Variants in TTC28 observed in about 807,000 individuals in gnomAD.
TTC28 encodes the protein tetratricopeptide repeat protein 28.
Under a neutral mutation model 198.0 loss-of-function variants are expected in TTC28, and 61 were observed. The observed-to-expected ratio is 0.31, with a 90% CI of 0.25 to 0.38. The LOEUF (loss-of-function observed/expected upper bound fraction) is 0.38. TTC28 is among the 10% of genes least tolerant of loss of function. The pLI is 1.00. For synonymous variants in TTC28, 1,171 were observed against 1,297.8 expected (o/e 0.90, Z 2.10); for missense variants, 2,678 against 3,164.0 (o/e 0.85, Z 3.69).
intron 6 of TTC28, among the ~76,000 whole-genome samples, chr22:28,162,014 G>A (rs541041159): frequency 9.9e-5 from 15 of 152,176 alleles, no homozygotes; most frequent in African/African-American, 2.6e-4. Context: ...TCCTCTCCCC[G>A]TCCTGAATCC....
At chr22:28,550,678 T>C (rs558841982) in intron 2 of TTC28, among the ~76,000 whole-genome samples, 17 of 152,248 alleles carry the variant, frequency 1.1e-4, no homozygotes, top group African/African-American at 4.1e-4. Flanking sequence ...TTTTACAGTA[T>C]AATGACATAA....
intron 5 of TTC28, among the ~76,000 whole-genome samples, chr22:28,181,167 T>C (rs1449788367): frequency 6.6e-6 from 1 of 152,208 alleles, no homozygotes; most frequent in Non-Finnish European, 1.5e-5. Flanking sequence ...CAAAATTATA[T>C]TAGGGTTGGA....
chr22:28,123,728 A>G (rs1305146444), intron 6 of TTC28, among the ~76,000 whole-genome samples: 2 of 151,872 alleles, frequency 1.3e-5, no homozygotes, highest in Non-Finnish European at 2.9e-5. Context: ...TATGCCTGTA[A>G]TCCTAGCATT....
intron 12 of TTC28, among the ~76,000 whole-genome samples, chr22:28,084,647 C>A (rs927692399): frequency 6.6e-6 from 1 of 152,114 alleles, no homozygotes; most frequent in Non-Finnish European, 1.5e-5. Context: ...AGCAACGGAA[C>A]AAAGCTGGAC....
intron 5 of TTC28, among the ~76,000 whole-genome samples, chr22:28,214,873 G>A (rs1760717756): frequency 1.3e-5 from 2 of 152,168 alleles, no homozygotes; most frequent in African/African-American, 4.8e-5. Flanking sequence ...CAAAGACTTG[G>A]AACCAACCCA....
intron 12 of TTC28, among the ~76,000 whole-genome samples, chr22:28,083,071 A>AT (rs201798492): frequency 0.014 from 2,019 of 141,042 alleles, 39 homozygotes; most frequent in East Asian, 0.066. Flanking sequence ...ATGATGATTC[A>AT]TTTTTTTTTT....
At position 28,332,328 on chromosome 22, in the gene TTC28, A is replaced by C. The variant is rs144052278; in HGVS notation, c.382-25685T>G. ...ATATCTTATGTAAAGAATCCTTGTT[A>C]ATTATAAAATTGTGACCATAATGAA... On this transcript the variant is annotated intron_variant, in intron 2 of 22. Coordinates refer to ENST00000397906, the MANE Select transcript of TTC28 (RefSeq NM_001145418.2). Among the ~76,000 whole-genome samples the C allele has an allele frequency of 5.9e-3, 898 of 152,152 alleles. 7 individuals are homozygous for C. The highest frequency in any genetic ancestry group is 0.021 in the African/African-American group (866 of 41,574).
chr22:28,180,763 G>C (rs1378422850), intron 5 of TTC28, among the ~76,000 whole-genome samples: 1 of 152,136 alleles, frequency 6.6e-6, no homozygotes, highest in Non-Finnish European at 1.5e-5. Context: ...GGATCTCTAA[G>C]AACTGTGAAC....
intron 1 of TTC28, among the ~76,000 whole-genome samples, chr22:28,658,058 AT>A (rs1294585986): frequency 2.0e-5 from 3 of 152,196 alleles, no homozygotes; most frequent in Admixed American, 1.3e-4. Context: ...AATAATATGC[AT>A]TTCTAGTGTC....
chr22:28,643,173 C>T (rs964638918), intron 1 of TTC28: 5 of 152,204 alleles, frequency 3.3e-5, no homozygotes, highest in Admixed American at 2.0e-4. Flanking sequence ...TGGACACCAT[C>T]ATAGCGTACT....
Position 27,982,292 on chromosome 22 carries a change from A to T in TTC28, c.7375T>A (p.Leu2459Met). ...TAGCCATTTCCAGAAGGAAGCCTCA[A>T]AGGGCGCGCGGGGGCTGTGGCGGGA... Reference protein sequence around the residue: ...GPPATAPARPLRLPSGNGYKF... With the variant: ...GPPATAPARPMRLPSGNGYKF... Residue 2459 changes from leucine (L) to methionine (M), a missense_variant, in exon 23 of 23, where the codon TTG becomes ATG. This residue lies in a region of TTC28 where 622 missense variants were observed against 656.0 expected (regional missense o/e 0.95). Transcript: ENST00000397906. The surrounding 1 kb of genome is among the most constrained non-coding windows in gnomAD (Gnocchi z 5.2). The T allele has an allele frequency of 6.7e-7, 1 of 1,494,434 alleles. No homozygotes were observed. Among genetic ancestry groups the T allele is most frequent in the Non-Finnish European group, 8.9e-7 (1 of 1,121,790 alleles). 92.6% of individuals were successfully genotyped at this position (1,494,434 alleles called of 1,614,324 possible).
chr22:28,223,332 A>G (rs1928030106), intron 5 of TTC28, among the ~76,000 whole-genome samples: 1 of 152,214 alleles, frequency 6.6e-6, no homozygotes, highest in African/African-American at 2.4e-5. Context: ...TTTACTCCAC[A>G]TTGGGTGAAG....
chr22:28,537,703 G>A (rs903105021), intron 2 of TTC28, among the ~76,000 whole-genome samples: 4 of 152,066 alleles, frequency 2.6e-5, no homozygotes, highest in Non-Finnish European at 4.4e-5. Context: ...AAATATATTC[G>A]TTATATCATT....
chr22:28,672,464 C>T (rs1243912097), intron 1 of TTC28, among the ~76,000 whole-genome samples: 1 of 152,052 alleles, frequency 6.6e-6, no homozygotes, highest in Non-Finnish European at 1.5e-5. Context: ...CCGCGCCCGG[C>T]CAATTTTTTG....
At chr22:28,451,813 G>T (rs541285632) in intron 2 of TTC28, among the ~76,000 whole-genome samples, 18 of 152,128 alleles carry the variant, frequency 1.2e-4, no homozygotes, top group Admixed American at 3.9e-4. Context: ...TTCTCTACCA[G>T]GTGGCCACAG....
In TTC28 at chr22:27,996,141, C is replaced by A; in HGVS notation, c.5238G>T (p.Leu1746=). ...GGGTGCCCGACCCCCTTACCAGGTG[C>A]AGCAGCACTCGCAGGGCGTCCCGCG... ...ERARDALRVL[L]HLVEKSLQRI... is the part of the protein sequence containing the mutation. The change falls in exon 17 of 23, where the codon CTG becomes CTT. Residue 1746 remains leucine (L), a synonymous_variant. Coordinates refer to ENST00000397906, the MANE Select transcript of TTC28 (RefSeq NM_001145418.2). The A allele has an allele frequency of 6.5e-7, 1 of 1,549,478 alleles. No individual in the cohort carries two copies. Among genetic ancestry groups the A allele is most frequent in the Non-Finnish European group, 8.7e-7 (1 of 1,146,852 alleles).
chr22:28,044,826 T>C (rs1939799475), intron 12 of TTC28, among the ~76,000 whole-genome samples: 1 of 152,236 alleles, frequency 6.6e-6, no homozygotes, highest in Non-Finnish European at 1.5e-5. Flanking sequence ...TGGAATTATC[T>C]AGTCTATACT....
chr22:28,370,440 A>G (rs1019733225), intron 2 of TTC28, among the ~76,000 whole-genome samples: 4 of 152,116 alleles, frequency 2.6e-5, no homozygotes, highest in African/African-American at 9.7e-5. Context: ...ATTCCTACAT[A>G]CTGTATTTCT....
intron 2 of TTC28, among the ~76,000 whole-genome samples, chr22:28,609,169 GA>G (rs1487716793): frequency 1.3e-5 from 2 of 152,100 alleles, no homozygotes; most frequent in African/African-American, 4.8e-5. Context: ...AGAATTAAGG[GA>G]AAACGTGAGC....
Sources: allele counts gnomAD v4.1 joint callset (sites outside exome capture counted in the v4.1 genomes callset), GRCh38; gene constraint gnomAD v4.1.1; regional missense constraint gnomAD v4.1.1; non-coding constraint Gnocchi (gnomAD v3.1); transcripts MANE v1.5; gene names NCBI Gene and HGNC (gene_info 2026-07-23, HGNC 2026-07-21).